The following SP140L variants were observed in gnomAD, a reference collection of about 807,000 sequenced individuals.
The protein encoded by SP140L is nuclear body protein SP140-like protein.
Under a neutral mutation model 84.3 loss-of-function variants are expected in SP140L, and 64 were observed. The observed-to-expected ratio is 0.76, with a 90% confidence interval of 0.62 to 0.94. The LOEUF (loss-of-function observed/expected upper bound fraction) is 0.94. SP140L is among the 40% of genes least tolerant of loss of function. The pLI, the probability that SP140L is intolerant of heterozygous loss-of-function variation, is 0.00. For missense variants in SP140L, 628 were observed against 692.5 expected (o/e 0.91, Z 1.05); for synonymous variants, 242 against 236.9 (o/e 1.02, Z -0.20).
chr2:230,342,176 G>A (rs112566107), intron 2 of SP140L: 3,919 of 163,866 alleles, frequency 0.024, 174 homozygotes, highest in African/African-American at 0.088. Flanking sequence ...CGAGCCAGGT[G>A]TGGGATATAA....
intron 15 of SP140L, 37 bp from the exon 16 acceptor site, chr2:230,400,918 C>T (rs2149836287): frequency 2.1e-6 from 3 of 1,399,228 alleles, no homozygotes; most frequent in Non-Finnish European, 2.9e-6. Flanking sequence ...CATTTCCAAG[C>T]TCCCTGCCCT....
At position 230,382,878 on chromosome 2, in the gene SP140L, A is replaced by G. The variant is rs114831969; in HGVS notation, c.638-632A>G. Reference sequence around the variant, plus strand: ...CAGAAAATCAGTGCATTGTGGAGTCACTTTTCTGATAAAGGGCACATCAGA... The same window carrying G: ...CAGAAAATCAGTGCATTGTGGAGTCGCTTTTCTGATAAAGGGCACATCAGA... On this transcript the variant is annotated intron_variant, in intron 7 of 18. Transcript: ENST00000415673. Among the ~76,000 whole-genome samples, 786 of 152,302 alleles carry G rather than the reference A, an allele frequency of 5.2e-3. 2 individuals are homozygous for G. The highest frequency in any genetic ancestry group is 0.018 in the African/African-American group (749 of 41,558).
rs545857917 is a variant in SP140L at position 230,381,181 on chromosome 2, C to G, written c.638-2329C>G. On this transcript the variant is annotated intron_variant, in intron 7 of 18. Coordinates refer to ENST00000415673, the MANE Select transcript of SP140L (RefSeq NM_138402.6). ...AGCAAACCTGCCCAAACCTTACCTC[C>G]GAGGGAGATATTATCTTTTTAGCTG... Among the ~76,000 whole-genome samples, 4 of 152,196 alleles carry G rather than the reference C, an allele frequency of 2.6e-5. No individual in the cohort carries two copies. In the South Asian group the frequency reaches 8.3e-4, roughly 32 times the overall value.
At chr2:230,382,989 C>A (rs1283071004) in intron 7 of SP140L, among the ~76,000 whole-genome samples, 2 of 152,182 alleles carry the variant, frequency 1.3e-5, no homozygotes, top group Non-Finnish European at 2.9e-5. Context: ...TGCTCTGCAG[C>A]CTGAAGGAGG....
intron 11 of SP140L, among the ~76,000 whole-genome samples, chr2:230,391,359 C>G (rs1380793427): frequency 7.2e-5 from 11 of 151,978 alleles, no homozygotes. Flanking sequence ...GCTCCCATTT[C>G]TCTACACACT....
intron 8 of SP140L, among the ~76,000 whole-genome samples, chr2:230,384,115 C>T (rs1354136504): frequency 6.6e-6 from 1 of 151,852 alleles, no homozygotes; most frequent in African/African-American, 2.4e-5. Context: ...TACATTTAGT[C>T]AGTATAATAG....
At chr2:230,400,736 C>T (rs2062293062) in intron 15 of SP140L, 1 of 1,092,294 alleles carries the variant, frequency 9.2e-7, no homozygotes, top group Non-Finnish European at 1.3e-6. Flanking sequence ...CACGGTGACA[C>T]CACCTTCCTG....
intron 2 of SP140L, among the ~76,000 whole-genome samples, chr2:230,332,176 A>G (rs1216421348): frequency 6.6e-6 from 1 of 152,214 alleles, no homozygotes; most frequent in Non-Finnish European, 1.5e-5. Flanking sequence ...ATTTATCAAA[A>G]TGTTTGCTAA....
chr2:230,381,465 T>G (rs1354517774), intron 7 of SP140L, among the ~76,000 whole-genome samples: 1 of 152,198 alleles, frequency 6.6e-6, no homozygotes, highest in Non-Finnish European at 1.5e-5. Flanking sequence ...ACATTTTTGC[T>G]TCTGGCAAAT....
intron 2 of SP140L, among the ~76,000 whole-genome samples, chr2:230,341,724 G>A (rs1489817740): frequency 1.3e-5 from 2 of 152,038 alleles, no homozygotes; most frequent in African/African-American, 4.8e-5. Flanking sequence ...AGGACCCTCA[G>A]CTGCAGGTCT....
chr2:230,395,237 A>C (rs1355585533), intron 13 of SP140L, among the ~76,000 whole-genome samples: 1 of 152,194 alleles, frequency 6.6e-6, no homozygotes, highest in African/African-American at 2.4e-5. Context: ...ACATATACTT[A>C]TCAAGCATAT....
chr2:230,357,537 T>A (rs1181134792), intron 2 of SP140L, among the ~76,000 whole-genome samples: 1 of 152,206 alleles, frequency 6.6e-6, no homozygotes, highest in Non-Finnish European at 1.5e-5. Context: ...CAGATATGGT[T>A]AGGTGAAGAT....
At chr2:230,389,390 C>G (rs1046661165) in intron 10 of SP140L, among the ~76,000 whole-genome samples, 3 of 152,112 alleles carry the variant, frequency 2.0e-5, no homozygotes, top group African/African-American at 7.2e-5. Flanking sequence ...GCTCCTTTCT[C>G]AGCTGTGGAG....
At chr2:230,341,578 G>C (rs2060044688) in intron 2 of SP140L, among the ~76,000 whole-genome samples, 1 of 151,200 alleles carries the variant, frequency 6.6e-6, no homozygotes, top group African/African-American at 2.4e-5. Context: ...CTGCTTTTTA[G>C]AGTTTCCAGT....
chr2:230,392,310 T>G, intron 12 of SP140L, 81 bp downstream of exon 12: 1 of 1,589,478 alleles, frequency 6.3e-7, no homozygotes, highest in Non-Finnish European at 8.6e-7. Flanking sequence ...TCACCAAATA[T>G]TTGTTAGGTT....
intron 2 of SP140L, among the ~76,000 whole-genome samples, chr2:230,348,643 A>C (rs1406062601): frequency 6.6e-6 from 1 of 152,220 alleles, no homozygotes; most frequent in Non-Finnish European, 1.5e-5. Flanking sequence ...TAATTGGCTA[A>C]TATTTTCTCC....
At chr2:230,340,021 G>A (rs2059992880) in intron 2 of SP140L, among the ~76,000 whole-genome samples, 1 of 146,554 alleles carries the variant, frequency 6.8e-6, no homozygotes, top group Non-Finnish European at 1.5e-5. Flanking sequence ...TTGGTGCAGA[G>A]CTGAGTTCAA....
At position 230,402,897 on chromosome 2, in the gene SP140L, C is replaced by G. The variant is rs2062419834; in HGVS notation, c.*1C>G. 6.2e-7 allele frequency: 1 copy of G among 1,609,262 alleles called. No homozygotes were observed. On this transcript the variant is annotated 3_prime_UTR_variant, in exon 19 of 19. Coordinates refer to ENST00000415673, the MANE Select transcript of SP140L (RefSeq NM_138402.6). ...TCAGGAAACAAATGGGAACAGTTGA[C>G]TGGTTTAGTGGATGCTGAAGGCCTT...
At chr2:230,375,526 T>A (rs1227504041) in intron 7 of SP140L, among the ~76,000 whole-genome samples, 1 of 152,162 alleles carries the variant, frequency 6.6e-6, no homozygotes, top group Non-Finnish European at 1.5e-5. Context: ...CATACAGGGG[T>A]TCCTTTTCTC....
Sources: gnomAD v4.1 joint callset for allele counts (sites outside exome capture counted in the v4.1 genomes callset) on GRCh38, gnomAD v4.1.1 for gene constraint, MANE v1.5 for transcripts, NCBI Gene and HGNC (gene_info 2026-07-23, HGNC 2026-07-21) for gene names.